Variants in ANK3 observed in about 807,000 individuals in gnomAD.
ANK3 encodes ankyrin-3.
In ANK3, 57 loss-of-function variants were observed where a neutral mutation model predicts 370.9. The ratio of observed to expected loss-of-function variants is 0.15; its 90% CI spans 0.12 to 0.19. ANK3 has a LOEUF of 0.19. ANK3 is among the 10% of genes least tolerant of loss of function. The probability of loss-of-function intolerance (pLI) is 1.00; values close to 1 mark genes in which losing one functional copy is unlikely to be tolerated. For missense variants in ANK3, 4,439 were observed against 5,302.1 expected (o/e 0.84, Z 5.06); for synonymous variants, 1,929 against 1,946.3 (o/e 0.99, Z 0.23).
intron 42 of ANK3, among the ~76,000 whole-genome samples, chr10:60,055,251 G>GGAGC (rs762726890): frequency 3.0e-3 from 454 of 152,230 alleles, no homozygotes; most frequent in Middle Eastern, 6.8e-3. Context: ...TTTATGCCAA[G>GGAGC]GAGCCAGAAA....
chr10:60,082,139 G>A lies in ANK3; in HGVS notation c.4350+11C>T. ...CTTCTGATAGAATAAAAGCAGAAGT[G>A]TTTATATTACCTCATCATCTTGATC... On this transcript the variant is annotated intron_variant, in intron 35 of 43. Transcript: ENST00000280772. The A allele has an allele frequency of 1.2e-5, 19 of 1,606,520 alleles. No individual in the cohort carries two copies. Among genetic ancestry groups the A allele is most frequent in the Non-Finnish European group, 1.6e-5 (19 of 1,175,382 alleles).
chr10:60,212,356 G>A (rs7903287), intron 9 of ANK3, among the ~76,000 whole-genome samples: 76,841 of 151,898 alleles, frequency 0.51, 20,660 homozygotes, highest in East Asian at 0.79. Flanking sequence ...AAGGGAAATG[G>A]GGGACCAACA....
chr10:60,174,824 C>A (rs530833146), intron 18 of ANK3, among the ~76,000 whole-genome samples: 103 of 152,214 alleles, frequency 6.8e-4, no homozygotes, highest in Middle Eastern at 3.4e-3. Flanking sequence ...GCAGCCTCCC[C>A]TCCTGGGCTC....
intron 2 of ANK3, among the ~76,000 whole-genome samples, chr10:60,556,972 T>C (rs2077220959): frequency 6.6e-6 from 1 of 152,160 alleles, no homozygotes; most frequent in Non-Finnish European, 1.5e-5. Context: ...TAGGTTGCTC[T>C]CCTTATGAGA....
At chr10:60,414,689 AAAATCTTACTTTAT>A (rs2063625027) in intron 2 of ANK3, among the ~76,000 whole-genome samples, 1 of 152,156 alleles carries the variant, frequency 6.6e-6, no homozygotes, top group Admixed American at 6.5e-5. Flanking sequence ...AATGCTGGCA[AAAATCTTACTTTAT>A]ATATTACTGG....
chr10:60,652,885 T>C (rs1477099338), intron 1 of ANK3, among the ~76,000 whole-genome samples: 1 of 152,104 alleles, frequency 6.6e-6, no homozygotes, highest in Non-Finnish European at 1.5e-5. Flanking sequence ...GGAGTCTGGG[T>C]ACGTTCTACA....
At chr10:60,166,785 C>A in intron 22 of ANK3, 39 bp downstream of exon 22, 1 of 1,600,640 alleles carries the variant, frequency 6.2e-7, no homozygotes, top group Non-Finnish European at 8.6e-7. Flanking sequence ...AATACACAGT[C>A]ACTTATAATT....
At chr10:60,163,685 C>T (rs2095552903) in intron 23 of ANK3, among the ~76,000 whole-genome samples, 1 of 152,028 alleles carries the variant, frequency 6.6e-6, no homozygotes, top group South Asian at 2.1e-4. Context: ...ATTTATTTTA[C>T]TTTTGCTTTT....
intron 2 of ANK3, among the ~76,000 whole-genome samples, chr10:60,462,882 T>C (rs546430814): frequency 6.7e-6 from 1 of 149,250 alleles, no homozygotes; most frequent in East Asian, 2.1e-4. Context: ...CTTCTTTCCC[T>C]AGGTTCTTTT....
chr10:60,484,359 T>C (rs2075298174), intron 2 of ANK3, among the ~76,000 whole-genome samples: 1 of 152,092 alleles, frequency 6.6e-6, no homozygotes, highest in Non-Finnish European at 1.5e-5. Flanking sequence ...CTCTTCCAAT[T>C]GGGGAAATTT....
chr10:60,236,598 CT>C (rs1379356988), intron 7 of ANK3, among the ~76,000 whole-genome samples: 4 of 152,046 alleles, frequency 2.6e-5, no homozygotes, highest in Non-Finnish European at 5.9e-5. Flanking sequence ...TTTATGTAAA[CT>C]TTTCTAGTTA....
intron 33 of ANK3, among the ~76,000 whole-genome samples, chr10:60,083,283 C>T (rs2085750817): frequency 6.6e-6 from 1 of 152,142 alleles, no homozygotes; most frequent in Admixed American, 6.5e-5. Flanking sequence ...TGTTATTAAA[C>T]TCTTTGAAAA....
intron 2 of ANK3, among the ~76,000 whole-genome samples, chr10:60,428,573 G>A (rs569493099): frequency 9.8e-5 from 15 of 152,304 alleles, no homozygotes; most frequent in African/African-American, 3.4e-4. Flanking sequence ...CCACAGCCCT[G>A]ATAACAGTGA....
At position 60,055,991 on chromosome 10, in the gene ANK3, T is replaced by A; in HGVS notation, c.12732A>T (p.Glu4244Asp). 6.2e-7 allele frequency: 1 copy of A among 1,613,876 alleles called. No individual in the cohort carries two copies. Among genetic ancestry groups the A allele is most frequent in the South Asian group, 1.1e-5 (1 of 91,078 alleles). The change falls in exon 42 of 44, where the codon GAA becomes GAT. Residue 4244 changes from glutamate to aspartate, a missense_variant. By Grantham distance (45) the Glu-to-Asp change is conservative. Coordinates refer to ENST00000280772, the MANE Select transcript of ANK3 (RefSeq NM_020987.5). ...RDSITSYLKG[E>D]AGKFEANGSH... ...TTCCATTTGCTTCAAATTTGCCAGCTTCTCCTTTGAGATATGAGGTAATGG... is the reference window on the plus strand; with the variant it reads ...TTCCATTTGCTTCAAATTTGCCAGCATCTCCTTTGAGATATGAGGTAATGG...
At chr10:60,361,175 G>T (rs887152952) in intron 1 of ANK3, among the ~76,000 whole-genome samples, 1 of 152,002 alleles carries the variant, frequency 6.6e-6, no homozygotes, top group Non-Finnish European at 1.5e-5. Context: ...TTTCTTTCTC[G>T]ACTAAGGAAG....
chr10:60,657,818 T>A (rs2078884627), intron 1 of ANK3, among the ~76,000 whole-genome samples: 1 of 152,144 alleles, frequency 6.6e-6, no homozygotes, highest in Non-Finnish European at 1.5e-5. Context: ...TACTAAGAGA[T>A]GTGTCTGTAA....
In ANK3 at chr10:60,642,130, C is replaced by A. The variant is rs1056757022; in HGVS notation, c.58-26906G>T. On this transcript the variant is annotated intron_variant, in intron 1 of 43. Transcript: ENST00000373827. ...TGGCAATCATTAAAAAGTCAGGAAA[C>A]AACAGGTGCTGGAGAGGATGTGGAG... 1.6e-3 allele frequency among the ~76,000 whole-genome samples: 244 copies of A among 149,838 alleles called. 3 individuals are homozygous for A. The highest frequency in any genetic ancestry group is 0.012 in the Admixed American group (184 of 14,960).
chr10:60,506,390 A>T (rs1384948044), intron 2 of ANK3, among the ~76,000 whole-genome samples: 1 of 152,098 alleles, frequency 6.6e-6, no homozygotes, highest in East Asian at 1.9e-4. Flanking sequence ...GCTATTTCCG[A>T]ACTTCTATTA....
intron 1 of ANK3, among the ~76,000 whole-genome samples, chr10:60,624,698 C>CA (rs1244735080): frequency 1.4e-5 from 2 of 144,124 alleles, no homozygotes; most frequent in African/African-American, 2.6e-5. Context: ...CCCTCCGCAA[C>CA]AGTGCATGAG....
Sources: gnomAD v4.1 joint callset for allele counts (sites outside exome capture counted in the v4.1 genomes callset) on GRCh38, gnomAD v4.1.1 for gene constraint, MANE v1.5 for transcripts, NCBI Gene and HGNC (gene_info 2026-07-23, HGNC 2026-07-21) for gene names.